The following ZEB1 variants were observed in gnomAD, a reference collection of about 807,000 sequenced individuals.
ZEB1 encodes the protein zinc finger E-box-binding homeobox 1.
A neutral mutation model predicts 84.9 loss-of-function variants in ZEB1; 21 were observed. That is an observed-to-expected ratio of 0.25 (90% CI 0.18 to 0.36). The LOEUF is 0.36. Among genes scored for constraint, ZEB1 ranks in the 10% least tolerant of loss-of-function variants. ZEB1 has a pLI of 1.00. For missense variants in ZEB1, 1,104 were observed against 1,330.2 expected (o/e 0.83, Z 2.65); for synonymous variants, 420 against 471.1 (o/e 0.89, Z 1.41).
chr10:31,387,653 G>A, intron 1 of ZEB1: 2 of 701,132 alleles, frequency 2.9e-6, no homozygotes, highest in Non-Finnish European at 3.5e-6. Flanking sequence ...AGCTTCAGTT[G>A]ATAGAGCCAG....
intron 1 of ZEB1, among the ~76,000 whole-genome samples, chr10:31,435,440 C>G (rs1043760991): frequency 6.6e-6 from 1 of 152,152 alleles, no homozygotes; most frequent in African/African-American, 2.4e-5. Context: ...AGAAAGTAAA[C>G]AAGTAACTAA....
At chr10:31,493,019 A>G (rs1448974740) in intron 2 of ZEB1, among the ~76,000 whole-genome samples, 1 of 151,980 alleles carries the variant, frequency 6.6e-6, no homozygotes, top group African/African-American at 2.4e-5. Context: ...GTAACATAAT[A>G]TAATGTCACA....
chr10:31,427,722 G>T (rs1256572821), intron 1 of ZEB1, among the ~76,000 whole-genome samples: 1 of 152,080 alleles, frequency 6.6e-6, no homozygotes, highest in Non-Finnish European at 1.5e-5. Context: ...AGCCGGGCGT[G>T]GTGGCGGGCG....
rs1456017666 is a variant in ZEB1 at position 31,521,951 on chromosome 10, C to T, written c.2604+15C>T. On this transcript the variant is annotated intron_variant, in intron 7 of 8. Coordinates refer to ENST00000424869, the MANE Select transcript of ZEB1 (RefSeq NM_001174096.2). Reference sequence around the variant, plus strand: ...ATGGAAATCAGGTAAAAAATAACCTCCATCCTGAACCTGGCTAGTAATATG... The same window carrying T: ...ATGGAAATCAGGTAAAAAATAACCTTCATCCTGAACCTGGCTAGTAATATG... The T allele has an allele frequency of 1.9e-6, 3 of 1,613,950 alleles. No homozygotes were observed. Among genetic ancestry groups the T allele is most frequent in the Non-Finnish European group, 2.5e-6 (3 of 1,179,930 alleles).
chr10:31,485,848 TC>T lies in ZEB1; in HGVS notation c.260-9926del, dbSNP rs200489169. Among the ~76,000 whole-genome samples, 62 of 151,926 alleles carry T rather than the reference TC, an allele frequency of 4.1e-4. No individual in the cohort carries two copies. In the East Asian group the frequency reaches 0.011, roughly 28 times the overall value. ...CATGACGATCAGGGCACAGAACAGT[TC>T]CATCATCAGAGCACTATCGTGCTAC... On this transcript the variant is annotated intron_variant, in intron 2 of 8. Coordinates refer to ENST00000424869, the MANE Select transcript of ZEB1 (RefSeq NM_001174096.2).
rs1303426402 is a variant in ZEB1, at chr10:31,528,363, C to T, written c.*1099C>T. 3.9e-5 allele frequency: 6 copies of T among 152,118 alleles called. No homozygotes were observed. The highest frequency in any genetic ancestry group is 6.5e-5 in the Admixed American group (1 of 15,268). 9.4% of individuals were successfully genotyped at this position (152,118 alleles called of 1,614,324 possible). On this transcript the variant is annotated 3_prime_UTR_variant, in exon 9 of 9. Coordinates refer to ENST00000424869, the MANE Select transcript of ZEB1 (RefSeq NM_001174096.2). ...GATTTTCAGAATTTCTCTACAGAAA[C>T]GAAAGGGAAATTTTCTAATCTGCTT...
intron 1 of ZEB1, among the ~76,000 whole-genome samples, chr10:31,449,111 C>T (rs567616550): frequency 3.9e-5 from 6 of 152,362 alleles, no homozygotes; most frequent in Admixed American, 1.3e-4. Context: ...GATATAGTCT[C>T]ATGGTGCGCC....
chr10:31,416,163 A>G (rs1236293944), intron 1 of ZEB1, among the ~76,000 whole-genome samples: 2 of 152,066 alleles, frequency 1.3e-5, no homozygotes, highest in Non-Finnish European at 2.9e-5. Context: ...ATACTAACAT[A>G]TAGTTACAAA....
In ZEB1 at chr10:31,444,732, G is replaced by A. The variant is rs929809222; in HGVS notation, c.59-16305G>A. Among the ~76,000 whole-genome samples the A allele has an allele frequency of 7.9e-4, 120 of 151,988 alleles. 1 individual carries two copies. The highest frequency in any genetic ancestry group is 3.4e-3 in the Middle Eastern group (1 of 294). On this transcript the variant is annotated intron_variant, in intron 1 of 8. Transcript: ENST00000424869. Reference sequence around the variant, plus strand: ...AAAGATCAGATAGTCGTAGGTATGCGGCGTTATTTCTGAGGGCTCTGTTCT... The same window carrying A: ...AAAGATCAGATAGTCGTAGGTATGCAGCGTTATTTCTGAGGGCTCTGTTCT...
intron 1 of ZEB1, among the ~76,000 whole-genome samples, chr10:31,333,500 G>T (rs2037261474): frequency 6.6e-6 from 1 of 151,960 alleles, no homozygotes; most frequent in Admixed American, 6.6e-5. Context: ...ATTAGCTACG[G>T]GTAGGCTTGG....
intron 1 of ZEB1, among the ~76,000 whole-genome samples, chr10:31,324,179 T>C (rs1165279397): frequency 4.6e-5 from 7 of 152,018 alleles, no homozygotes; most frequent in Non-Finnish European, 7.4e-5. Flanking sequence ...AAAATATTAA[T>C]CGTTTATGAA....
Position 31,527,361 on chromosome 10 carries a change from A to G in ZEB1, c.*97A>G, listed in dbSNP as rs938497223. The G allele has an allele frequency of 6.7e-7, 1 of 1,497,894 alleles. No homozygotes were observed. Among genetic ancestry groups the G allele is most frequent in the African/African-American group, 1.4e-5 (1 of 71,868 alleles). The allele number at this position is 1,497,894 out of a possible 1,614,324, so 92.8% of individuals were successfully genotyped here. ...GAAACACAGTAACCTGTATGCTGTG[A>G]TTCCTGTTCACTACTGTGTAAAGTA... On this transcript the variant is annotated 3_prime_UTR_variant, in exon 9 of 9. Coordinates refer to ENST00000424869, the MANE Select transcript of ZEB1 (RefSeq NM_001174096.2).
chr10:31,458,312 CGTGTGTGTGTGTGTGTGTGTGTGTTGTGT>C (rs1175502752), intron 1 of ZEB1, among the ~76,000 whole-genome samples: 2 of 123,114 alleles, frequency 1.6e-5, no homozygotes, highest in Non-Finnish European at 3.1e-5. Context: ...ATCTCCATTC[CGTGTGTGTGTGTGTGTGTGTGTGTTGTGT>C]GTGTGTGTGT....
chr10:31,393,129 A>G (rs1020333599), intron 1 of ZEB1, among the ~76,000 whole-genome samples: 3 of 152,230 alleles, frequency 2.0e-5, no homozygotes, highest in Admixed American at 1.3e-4. Flanking sequence ...ATGAGCCACC[A>G]TGCCCAGCTG....
At position 31,527,597 on chromosome 10, in the gene ZEB1, T is replaced by C. The variant is rs1241823426; in HGVS notation, c.*333T>C. Reference sequence around the variant, plus strand: ...AATACAAGAGGTTAAAGGAAGCTGATTAATTAGATATGCATCTGGCATTGT... The same window carrying C: ...AATACAAGAGGTTAAAGGAAGCTGACTAATTAGATATGCATCTGGCATTGT... On this transcript the variant is annotated 3_prime_UTR_variant, in exon 9 of 9. Coordinates refer to ENST00000424869, the MANE Select transcript of ZEB1 (RefSeq NM_001174096.2). 2 of 286,948 alleles carry C rather than the reference T, an allele frequency of 7.0e-6. No individual in the cohort carries two copies. Among genetic ancestry groups the C allele is most frequent in the East Asian group, 1.5e-4 (2 of 13,206 alleles). 17.8% of individuals were successfully genotyped at this position (286,948 alleles called of 1,614,324 possible).
chr10:31,495,433 G>C (rs2067082531), intron 2 of ZEB1, among the ~76,000 whole-genome samples: 1 of 151,804 alleles, frequency 6.6e-6, no homozygotes, highest in South Asian at 2.1e-4. Context: ...TCGTGAGTTT[G>C]GTAAGACTGT....
intron 1 of ZEB1, among the ~76,000 whole-genome samples, chr10:31,429,023 C>T (rs1031133089): frequency 1.3e-5 from 2 of 152,118 alleles, no homozygotes; most frequent in African/African-American, 4.8e-5. Flanking sequence ...TCCAGTTTGC[C>T]ATCCTGTGTC....
intron 1 of ZEB1, among the ~76,000 whole-genome samples, chr10:31,381,299 C>T (rs1039569735): frequency 6.6e-6 from 1 of 152,012 alleles, no homozygotes; most frequent in Non-Finnish European, 1.5e-5. Flanking sequence ...TAATAAAGTA[C>T]CAGATATACT....
At chr10:31,483,670 G>C (rs2065354140) in intron 2 of ZEB1, among the ~76,000 whole-genome samples, 1 of 151,848 alleles carries the variant, frequency 6.6e-6, no homozygotes, top group Non-Finnish European at 1.5e-5. Flanking sequence ...ACAGCAAAAA[G>C]AAAAAAATAT....
Sources: allele counts gnomAD v4.1 joint callset (sites outside exome capture counted in the v4.1 genomes callset), GRCh38; gene constraint gnomAD v4.1.1; transcripts MANE v1.5; gene names NCBI Gene and HGNC (gene_info 2026-07-23, HGNC 2026-07-21).